The following DLG2 variants were observed in gnomAD, a reference collection of about 807,000 sequenced individuals.
DLG2 encodes the protein disks large homolog 2.
Under a neutral mutation model 132.5 loss-of-function variants are expected in DLG2, and 45 were observed. That is an observed-to-expected ratio of 0.34 (90% confidence interval 0.27 to 0.44). DLG2 has a LOEUF of 0.44. Ranked by LOEUF, DLG2 falls within the 20% of genes least tolerant of loss-of-function variation. DLG2 has a pLI of 1.00. For synonymous variants in DLG2, 424 were observed against 419.6 expected, an observed-to-expected ratio of 1.01 and a Z score of -0.13; for missense variants, 1,045 against 1,196.9, an observed-to-expected ratio of 0.87 and a Z score of 1.87.
chr11:85,403,715 A>G (rs189892778), intron 3 of DLG2, among the ~76,000 whole-genome samples: 23 of 152,016 alleles, frequency 1.5e-4, no homozygotes, highest in African/African-American at 5.5e-4. Flanking sequence ...ATCTTTAAGC[A>G]GGATGATGGC....
intron 6 of DLG2, among the ~76,000 whole-genome samples, chr11:84,745,875 A>C (rs1001982925): frequency 6.6e-6 from 1 of 152,218 alleles, no homozygotes; most frequent in African/African-American, 2.4e-5. Context: ...TCCCATTCAA[A>C]AATGAATTGA....
intron 3 of DLG2, among the ~76,000 whole-genome samples, chr11:85,430,000 C>A (rs2091053430): frequency 6.6e-6 from 1 of 152,066 alleles, no homozygotes; most frequent in Non-Finnish European, 1.5e-5. Flanking sequence ...AAATGTGGCA[C>A]ACATACACCA....
At chr11:83,702,004 T>C (rs1016276713) in intron 18 of DLG2, among the ~76,000 whole-genome samples, 1 of 152,254 alleles carries the variant, frequency 6.6e-6, no homozygotes, top group African/African-American at 2.4e-5. Flanking sequence ...CACATTATTA[T>C]AGTAGAAAGA....
At chr11:85,513,701 T>C (rs902608237) in intron 3 of DLG2, among the ~76,000 whole-genome samples, 1 of 151,990 alleles carries the variant, frequency 6.6e-6, no homozygotes, top group East Asian at 1.9e-4. Context: ...TTTAGGCTCA[T>C]ACCATTTACT....
chr11:85,295,038 T>A (rs1344556148), intron 3 of DLG2, among the ~76,000 whole-genome samples: 2 of 152,142 alleles, frequency 1.3e-5, no homozygotes, highest in South Asian at 4.1e-4. Flanking sequence ...ACTCAAGATA[T>A]TGTTAATGCA....
chr11:84,266,964 A>C (rs1257475348), intron 7 of DLG2, among the ~76,000 whole-genome samples: 1 of 152,244 alleles, frequency 6.6e-6, no homozygotes, highest in Non-Finnish European at 1.5e-5. Flanking sequence ...CCCTGCAAGG[A>C]ATTCATAATG....
chr11:85,489,650 C>G (rs551205756), intron 3 of DLG2, among the ~76,000 whole-genome samples: 1 of 152,226 alleles, frequency 6.6e-6, no homozygotes, highest in Non-Finnish European at 1.5e-5. Flanking sequence ...ATATGTTAGG[C>G]CACAAACTAA....
At position 84,232,209 on chromosome 11, in the gene DLG2, T is replaced by C. The variant is rs115529689; in HGVS notation, c.573+19029A>G. Among the ~76,000 whole-genome samples, 760 of 152,296 alleles carry C rather than the reference T, an allele frequency of 5.0e-3. 6 individuals carry two copies. The highest frequency in any genetic ancestry group is 0.018 in the African/African-American group (733 of 41,568). ...CATACTATCTTTCTAAAGAAGCCAC[T>C]GCACTTCCCTCCCCTCAAAGCACTT... is the stretch of plus-strand genomic sequence containing the variant. On this transcript the variant is annotated intron_variant, in intron 8 of 27. Coordinates refer to ENST00000376104, the MANE Select transcript of DLG2 (RefSeq NM_001142699.3).
chr11:85,503,044 T>C lies in DLG2; in HGVS notation c.40+95613A>G, dbSNP rs562250774. On this transcript the variant is annotated intron_variant, in intron 3 of 27. Transcript: ENST00000376104. ...ACAATATAGAAGAAACTCATAAGCA[T>C]ACTCCCGTATGAAGAAGAAAGAACC... 2.6e-5 allele frequency among the ~76,000 whole-genome samples: 4 copies of C among 152,174 alleles called. No individual in the cohort carries two copies. The East Asian group carries it at 7.7e-4, about 29-fold the overall frequency.
intron 9 of DLG2, among the ~76,000 whole-genome samples, chr11:84,117,889 C>T (rs543353090): frequency 6.6e-6 from 1 of 152,190 alleles, no homozygotes; most frequent in South Asian, 2.1e-4. Context: ...GAGTCTCGCT[C>T]TTGTTGCCCA....
chr11:85,216,852 C>A lies in DLG2; in HGVS notation c.187-62201G>T, dbSNP rs146330610. ...CTGGGATTACAGGCACCTGCCACCA[C>A]GCCCAGCTAATTTTTGTGTTTTTAT... On this transcript the variant is annotated intron_variant, in intron 4 of 27. Coordinates refer to ENST00000376104, the MANE Select transcript of DLG2 (RefSeq NM_001142699.3). 7.7e-3 allele frequency among the ~76,000 whole-genome samples: 1,178 copies of A among 152,132 alleles called. 13 individuals are homozygous for A. The highest frequency in any genetic ancestry group is 0.027 in the African/African-American group (1,117 of 41,508).
At chr11:85,115,189 G>A (rs1279176374) in intron 5 of DLG2, among the ~76,000 whole-genome samples, 1 of 151,818 alleles carries the variant, frequency 6.6e-6, no homozygotes, top group Non-Finnish European at 1.5e-5. Flanking sequence ...TACACTCCAT[G>A]AATGGTACGT....
chr11:84,075,376 T>A (rs2096815580), intron 10 of DLG2, among the ~76,000 whole-genome samples: 2 of 152,212 alleles, frequency 1.3e-5, no homozygotes, highest in Non-Finnish European at 2.9e-5. Flanking sequence ...GACCATTTTA[T>A]CATTAATGCC....
At chr11:84,138,293 A>C (rs1380606307) in intron 9 of DLG2, among the ~76,000 whole-genome samples, 1 of 152,186 alleles carries the variant, frequency 6.6e-6, no homozygotes, top group African/African-American at 2.4e-5. Context: ...ACATTTGGGG[A>C]AAAAATTCCC....
chr11:84,222,717 A>AC (rs1188390159), intron 8 of DLG2, among the ~76,000 whole-genome samples: 3 of 152,178 alleles, frequency 2.0e-5, no homozygotes, highest in Admixed American at 2.0e-4. Flanking sequence ...TGTAGCTTCC[A>AC]CTTACCCCAC....
chr11:84,516,909 T>C (rs535602498), intron 7 of DLG2, among the ~76,000 whole-genome samples: 1 of 150,130 alleles, frequency 6.7e-6, no homozygotes, highest in Admixed American at 6.6e-5. Flanking sequence ...CTTATTACTG[T>C]GATCATGACT....
At chr11:84,134,175 C>A (rs2094519045) in intron 9 of DLG2, among the ~76,000 whole-genome samples, 1 of 152,004 alleles carries the variant, frequency 6.6e-6, no homozygotes, top group Admixed American at 6.6e-5. Flanking sequence ...AACAGGCTAT[C>A]ATGACATAGC....
At chr11:84,711,848 A>G (rs2060487149) in intron 6 of DLG2, among the ~76,000 whole-genome samples, 1 of 152,046 alleles carries the variant, frequency 6.6e-6, no homozygotes, top group African/African-American at 2.4e-5. Context: ...CTGGCCAGTC[A>G]AGGTGACACA....
chr11:83,751,855 T>C (rs1216070848), intron 18 of DLG2, among the ~76,000 whole-genome samples: 1 of 152,132 alleles, frequency 6.6e-6, no homozygotes, highest in Non-Finnish European at 1.5e-5. Context: ...CAATATGGAG[T>C]TCTTTGGAGA....
Sources: gnomAD v4.1 joint callset for allele counts (sites outside exome capture counted in the v4.1 genomes callset) on GRCh38, gnomAD v4.1.1 for gene constraint, MANE v1.5 for transcripts, NCBI Gene and HGNC (gene_info 2026-07-23, HGNC 2026-07-21) for gene names.